Variants in COL6A3 observed in about 807,000 individuals in gnomAD.
The protein encoded by COL6A3 is collagen alpha-3(VI) chain.
Under a neutral mutation model 274.1 loss-of-function variants are expected in COL6A3, and 137 were observed. That is an observed-to-expected ratio of 0.50 (90% CI 0.44 to 0.58). The LOEUF is 0.58. COL6A3 is among the 20% of genes least tolerant of loss of function. COL6A3 has a pLI of 0.00. For missense variants in COL6A3, 3,950 were observed against 4,124.9 expected, an observed-to-expected ratio of 0.96 and a Z score of 1.16; for synonymous variants, 1,650 against 1,650.6, an observed-to-expected ratio of 1.00 and a Z score of 0.01.
intron 27 of COL6A3, among the ~76,000 whole-genome samples, chr2:237,350,596 G>A (rs2077185234): frequency 6.6e-6 from 1 of 152,192 alleles, no homozygotes; most frequent in Non-Finnish European, 1.5e-5. Flanking sequence ...GACTGGTTAT[G>A]ACAAATTGTA....
chr2:237,340,927 T>C lies in COL6A3; in HGVS notation c.7989A>G (p.Arg2663=). The stretch of plus-strand genomic sequence containing the variant: ...AGGGCGCGTGCTGCACAACTGCCAC[T>C]CTGGCGAAGTGCTGGGAGGCCTTGG... ...PDPKASQHFA[R]VAVVQHAPSE... is the part of the protein sequence containing the mutation. The change falls in exon 38 of 44, where the codon AGA becomes AGG. Residue 2663 remains arginine, a synonymous_variant. Transcript: ENST00000295550. 2 of 1,613,372 alleles carry C rather than the reference T, an allele frequency of 1.2e-6. No homozygotes were observed. Among genetic ancestry groups the C allele is most frequent in the African/African-American group, 2.7e-5 (2 of 75,040 alleles).
At chr2:237,410,577 T>A (rs1277256765) in intron 1 of COL6A3, among the ~76,000 whole-genome samples, 2 of 152,150 alleles carry the variant, frequency 1.3e-5, no homozygotes, top group Admixed American at 1.3e-4. Flanking sequence ...AGTGCTGGGA[T>A]TACAGAGATG....
intron 38 of COL6A3, 117 bp downstream of exon 38, chr2:237,340,335 A>G (rs533433290): frequency 2.2e-4 from 219 of 981,498 alleles, no homozygotes; most frequent in Non-Finnish European, 5.0e-5. Context: ...TGTCTGTTCA[A>G]TGAATGAAAC....
At position 237,344,453 on chromosome 2, in the gene COL6A3, G is replaced by A. The variant is rs757907869; in HGVS notation, c.7565C>T (p.Ala2522Val). ...CACAGCCTCTCTGAGCTGTGGGGAT[G>A]CTCTTGTGGGTGTGTTGCTGAAGAA... is the stretch of plus-strand genomic sequence containing the variant. The part of the protein sequence containing the change: ...AVFFSNTPTR[A>V]SPQLREAVLK... The change falls in exon 36 of 44, where the codon GCA (alanine) becomes GTA (valine). Residue 2522 changes from alanine to valine, a missense_variant. Transcript: ENST00000295550. This position sits in a 1 kb window ranked among gnomAD's most constrained non-coding sequence, Gnocchi z 4.8. 6.2e-7 allele frequency: 1 copy of A among 1,614,224 alleles called. No individual in the cohort carries two copies. The highest frequency in any genetic ancestry group is 1.7e-5 in the Admixed American group (1 of 60,024).
Position 237,340,779 on chromosome 2 carries a change from T to C in COL6A3, c.8137A>G (p.Arg2713Gly), listed in dbSNP as rs772602377. ...SRGMTQLQGT[R>G]ALGSAIEYTI... The stretch of plus-strand genomic sequence containing the variant: ...TATTCAATGGCACTGCCTAAGGCCC[T>C]GGTTCCCTGCAACTGTGTCATTCCC... The change falls in exon 38 of 44, where the codon AGG becomes GGG. Residue 2713 changes from arginine to glycine, a missense_variant. Physicochemically the swap from Arg to Gly is moderately radical, Grantham distance 125. Transcript: ENST00000295550. 3.2e-5 allele frequency: 51 copies of C among 1,614,070 alleles called. No individual in the cohort carries two copies. In the South Asian group the frequency reaches 3.3e-4, roughly 10 times the overall value.
intron 26 of COL6A3, among the ~76,000 whole-genome samples, chr2:237,351,549 C>A (rs1051540173): frequency 6.6e-6 from 1 of 152,216 alleles, no homozygotes; most frequent in Non-Finnish European, 1.5e-5. Flanking sequence ...TCACAGTGAG[C>A]ACCTGGTACA....
In COL6A3 at chr2:237,378,665, C is replaced by A; in HGVS notation, c.2468G>T (p.Gly823Val). 9.3e-6 allele frequency: 15 copies of A among 1,613,110 alleles called. No individual in the cohort carries two copies. The highest frequency in any genetic ancestry group is 1.3e-5 in the Non-Finnish European group (15 of 1,180,048). Residue 823 changes from glycine to valine, a missense_variant, in exon 6 of 44, where the codon GGT (glycine) becomes GTT (valine). This residue lies in a region of COL6A3 where 1,934 missense variants were observed against 1,984.3 expected (regional missense o/e 0.97). Coordinates refer to ENST00000295550, the MANE Select transcript of COL6A3 (RefSeq NM_004369.4). ...CTGAGCGAGTGGTACTTCCTCCACACCTCCACTAACATATGTGGTTAGGGG... is the reference window on the plus strand; with the variant it reads ...CTGAGCGAGTGGTACTTCCTCCACAACTCCACTAACATATGTGGTTAGGGG... ...IQPLTTYVSGGVEEVPLAQPE... is the reference protein window; with the variant it reads ...IQPLTTYVSGVVEEVPLAQPE...
Position 237,372,123 on chromosome 2 carries a change from C to T in COL6A3, c.3894G>A (p.Ala1298=), listed in dbSNP as rs777277026. 38 of 1,613,996 alleles carry T rather than the reference C, an allele frequency of 2.4e-5. No individual in the cohort carries two copies. The highest frequency in any genetic ancestry group is 1.5e-4 in the South Asian group (14 of 91,084). ...CTCCCTTGGGCCTCAGCCGCTGCAC[C>T]GCGTTCTGCACTTCATCCTTGCTGG... ...AHSSKDEVQN[A]VQRLRPKGGR... The change falls in exon 9 of 44, where the codon GCG becomes GCA. Residue 1298 remains alanine, a synonymous_variant. Coordinates refer to ENST00000295550, the MANE Select transcript of COL6A3 (RefSeq NM_004369.4).
At chr2:237,357,775 G>T (rs973447215) in intron 22 of COL6A3, 42 bp downstream of exon 22, 2 of 1,596,376 alleles carry the variant, frequency 1.3e-6, no homozygotes, top group South Asian at 1.1e-5. Context: ...CCTTTCTCTT[G>T]CCCTCAGTAC....
chr2:237,397,744 C>T lies in COL6A3; in HGVS notation c.-30-897G>A, dbSNP rs2078487350. On this transcript the variant is annotated intron_variant, in intron 1 of 43. Transcript: ENST00000295550. Reference sequence around the variant, plus strand: ...AGTTTCTCCACAATCTGAAAATATTCTCTTTCTTTTTCAAATTACTAATGA... The same window carrying T: ...AGTTTCTCCACAATCTGAAAATATTTTCTTTCTTTTTCAAATTACTAATGA... Among the ~76,000 whole-genome samples the T allele has an allele frequency of 2.0e-5, 3 of 152,170 alleles. No individual in the cohort carries two copies. In the South Asian group the frequency reaches 6.2e-4, roughly 32 times the overall value.
intron 31 of COL6A3, 78 bp downstream of exon 31, chr2:237,347,729 G>C: frequency 7.1e-7 from 1 of 1,416,588 alleles, no homozygotes; most frequent in South Asian, 1.2e-5. Flanking sequence ...AAGGATAATT[G>C]TCAAAGCCTC....
chr2:237,359,297 C>G, intron 18 of COL6A3, 47 bp from the exon 19 acceptor site: 1 of 1,614,046 alleles, frequency 6.2e-7, no homozygotes, highest in Non-Finnish European at 8.5e-7. Flanking sequence ...GCTATTCTGG[C>G]AAAGGAAGAA....
At chr2:237,351,459 A>C (rs1456407637) in intron 26 of COL6A3, among the ~76,000 whole-genome samples, 1 of 152,238 alleles carries the variant, frequency 6.6e-6, no homozygotes, top group South Asian at 2.1e-4. Context: ...GCAGTTATTA[A>C]TGTACATATC....
Position 237,357,400 on chromosome 2 carries a change from G to A in COL6A3, c.6538-9C>T. On this transcript the variant is annotated splice_polypyrimidine_tract_variant and intron_variant, in intron 22 of 43. Transcript: ENST00000295550. ...TCTCTCCCTGGGACACCCTGGTGTG[G>A]GGAAAATTAGCATGAGATTCTCATC... is the stretch of plus-strand genomic sequence containing the variant. The A allele has an allele frequency of 6.2e-7, 1 of 1,611,602 alleles. No individual in the cohort carries two copies. Among genetic ancestry groups the A allele is most frequent in the Non-Finnish European group, 8.5e-7 (1 of 1,177,726 alleles).
intron 7 of COL6A3, 90 bp from the exon 8 acceptor site, chr2:237,375,110 A>C (rs1165111736): frequency 6.3e-7 from 1 of 1,577,238 alleles, no homozygotes; most frequent in African/African-American, 1.3e-5. Context: ...CATCACAGGG[A>C]TGTCCAAGTC....
rs1291267554 is a variant in COL6A3 at position 237,368,695 on chromosome 2, G to T, written c.4768C>A (p.Pro1590Thr). 6.2e-7 allele frequency: 1 copy of T among 1,613,954 alleles called. No individual in the cohort carries two copies. The highest frequency in any genetic ancestry group is 1.3e-5 in the African/African-American group (1 of 74,882). Residue 1590 changes from proline (P) to threonine (T), a missense_variant, in exon 10 of 44, where the codon CCC becomes ACC. Pro to Thr is a conservative substitution (Grantham distance 38). Around this residue, in one of 5 missense-constraint regions of COL6A3, gnomAD observed 632 missense variants for 623.4 expected, o/e 1.01. Coordinates refer to ENST00000295550, the MANE Select transcript of COL6A3 (RefSeq NM_004369.4). The surrounding 1 kb of genome is among the most constrained non-coding windows in gnomAD (Gnocchi z 4.4). ...TCTCGCACTGTGAAGACCAGTCTGGGGTCATTGGTGATGGTCTGCAGCTCT... is the reference window on the plus strand; with the variant it reads ...TCTCGCACTGTGAAGACCAGTCTGGTGTCATTGGTGATGGTCTGCAGCTCT... Reference protein sequence around the residue: ...RTELQTITNDPRLVFTVREFR... With the variant: ...RTELQTITNDTRLVFTVREFR...
chr2:237,382,356 C>T (rs1015905055), intron 4 of COL6A3, among the ~76,000 whole-genome samples: 3 of 151,830 alleles, frequency 2.0e-5, no homozygotes, highest in Non-Finnish European at 2.9e-5. Flanking sequence ...GCACTCCAGC[C>T]TGGGTGATAG....
chr2:237,398,890 G>A (rs1414856078), intron 1 of COL6A3, among the ~76,000 whole-genome samples: 1 of 152,198 alleles, frequency 6.6e-6, no homozygotes, highest in African/African-American at 2.4e-5. Flanking sequence ...TGTTTTGGGT[G>A]CCATGTTATC....
chr2:237,365,070 T>A (rs975989646), intron 12 of COL6A3, among the ~76,000 whole-genome samples: 1 of 149,040 alleles, frequency 6.7e-6, no homozygotes. Context: ...GTTAATGAGA[T>A]CTTTAGAGTG....
Sources: gnomAD v4.1 joint callset for allele counts (sites outside exome capture counted in the v4.1 genomes callset) on GRCh38, gnomAD v4.1.1 for gene constraint, gnomAD v4.1.1 regional missense constraint, Gnocchi (gnomAD v3.1) non-coding constraint, MANE v1.5 for transcripts, NCBI Gene and HGNC (gene_info 2026-07-23, HGNC 2026-07-21) for gene names.